The following MTA3 variants were observed in gnomAD, a reference collection of about 807,000 sequenced individuals.
MTA3 encodes metastasis-associated protein MTA3.
Under a neutral mutation model 83.5 loss-of-function variants are expected in MTA3, and 34 were observed. That is an observed-to-expected ratio of 0.41 (90% CI 0.31 to 0.54). The LOEUF (loss-of-function observed/expected upper bound fraction) is 0.54, where lower values mean the gene tolerates loss of function less well. Among genes scored for constraint, MTA3 ranks in the 20% least tolerant of loss-of-function variants. The pLI, the probability that MTA3 is intolerant of heterozygous loss-of-function variation, is 0.33. For missense variants in MTA3, 761 were observed against 726.4 expected, an observed-to-expected ratio of 1.05 and a Z score of -0.55; for synonymous variants, 303 against 252.7, an observed-to-expected ratio of 1.20 and a Z score of -1.89.
At chr2:42,571,645 T>C (rs1678493805) in intron 2 of MTA3, among the ~76,000 whole-genome samples, 1 of 152,074 alleles carries the variant, frequency 6.6e-6, no homozygotes, top group Non-Finnish European at 1.5e-5. Flanking sequence ...CTAGGGAACA[T>C]AATATTGAAA....
intron 14 of MTA3, among the ~76,000 whole-genome samples, chr2:42,712,561 A>G (rs929529988): frequency 6.6e-6 from 1 of 152,226 alleles, no homozygotes; most frequent in Non-Finnish European, 1.5e-5. Flanking sequence ...ATGTGAATGT[A>G]TAAATCCATG....
At chr2:42,719,970 C>G (rs975243282) in intron 15 of MTA3, among the ~76,000 whole-genome samples, 2 of 152,074 alleles carry the variant, frequency 1.3e-5, no homozygotes, top group African/African-American at 4.8e-5. Flanking sequence ...GAAATATGTA[C>G]TCAGAGTTGC....
At chr2:42,529,777 A>C (rs1572931217) in intron 2 of MTA3, among the ~76,000 whole-genome samples, 1 of 152,214 alleles carries the variant, frequency 6.6e-6, no homozygotes, top group East Asian at 1.9e-4. Context: ...AGAATGGTGT[A>C]GGGCAGGTTC....
chr2:42,743,533 T>C (rs1669189706), intron 16 of MTA3, among the ~76,000 whole-genome samples: 2 of 152,208 alleles, frequency 1.3e-5, no homozygotes, highest in South Asian at 4.1e-4. Flanking sequence ...TTGAATCTGC[T>C]CTCCTCTGGC....
chr2:42,719,954 T>A (rs955456476), intron 15 of MTA3, among the ~76,000 whole-genome samples: 2 of 152,198 alleles, frequency 1.3e-5, no homozygotes, highest in Non-Finnish European at 2.9e-5. Context: ...TCTTTTTCAG[T>A]AAAGTGAAAT....
At chr2:42,663,964 C>CA in intron 8 of MTA3, among the ~76,000 whole-genome samples, 1 of 152,216 alleles carries the variant, frequency 6.6e-6, no homozygotes. Flanking sequence ...GAAGTAGGCT[C>CA]AGAGGCTCAG....
At chr2:42,687,285 T>C (rs984912095) in intron 9 of MTA3, among the ~76,000 whole-genome samples, 2 of 152,222 alleles carry the variant, frequency 1.3e-5, no homozygotes, top group Non-Finnish European at 2.9e-5. Context: ...TTCTGAACAC[T>C]GTGTAAGTAG....
chr2:42,539,403 A>G (rs2103743196), intron 2 of MTA3, among the ~76,000 whole-genome samples: 1 of 152,100 alleles, frequency 6.6e-6, no homozygotes, highest in East Asian at 1.9e-4. Context: ...AGCCCCTTAT[A>G]AAATCATCAG....
intron 8 of MTA3, among the ~76,000 whole-genome samples, chr2:42,671,551 T>C (rs909682420): frequency 1.1e-4 from 17 of 152,338 alleles, no homozygotes; most frequent in African/African-American, 4.1e-4. Context: ...AAAATTACTT[T>C]TCATGATAAA....
intron 2 of MTA3, among the ~76,000 whole-genome samples, chr2:42,557,614 T>C (rs751884795): frequency 5.8e-4 from 88 of 152,206 alleles, no homozygotes; most frequent in Non-Finnish European, 1.1e-3. Flanking sequence ...TTGAAGTGTC[T>C]CTGTAATACT....
In MTA3 at chr2:42,577,091, T is replaced by TAAAAAAAAAAAA. The variant is rs1173783991; in HGVS notation, c.97-2012_97-2001dup. Among the ~76,000 whole-genome samples the TAAAAAAAAAAAA allele has an allele frequency of 4.2e-4, 8 of 19,208 alleles. 1 individual carries two copies. Among genetic ancestry groups the TAAAAAAAAAAAA allele is most frequent in the Admixed American group, 9.9e-4 (1 of 1,006 alleles). 12.6% of individuals were successfully genotyped at this position (19,208 alleles called of 152,430 possible). ...CCTGGCAACAGAATGGTACTCCATC[T>TAAAAAAAAAAAA]AAAAAAAAAAAAAAATATATATATA... On this transcript the variant is annotated intron_variant, in intron 2 of 16. Transcript: ENST00000405094.
At chr2:42,728,993 C>T (rs1668020412) in intron 16 of MTA3, among the ~76,000 whole-genome samples, 1 of 150,918 alleles carries the variant, frequency 6.6e-6, no homozygotes, top group South Asian at 2.1e-4. Flanking sequence ...CTTTGGTTGC[C>T]TGTGCCTGTG....
intron 16 of MTA3, among the ~76,000 whole-genome samples, chr2:42,732,276 A>G (rs901404169): frequency 1.3e-5 from 2 of 152,224 alleles, no homozygotes; most frequent in Admixed American, 6.5e-5. Context: ...TCTGAAATCT[A>G]GATGGAGGCC....
At chr2:42,576,443 C>T (rs762916288) in intron 2 of MTA3, among the ~76,000 whole-genome samples, 1 of 152,122 alleles carries the variant, frequency 6.6e-6, no homozygotes, top group Non-Finnish European at 1.5e-5. Context: ...AAGTTGTTAA[C>T]ATGATGGGAA....
At chr2:42,548,079 G>C (rs921504385) in intron 2 of MTA3, among the ~76,000 whole-genome samples, 1 of 152,190 alleles carries the variant, frequency 6.6e-6, no homozygotes, top group Non-Finnish European at 1.5e-5. Context: ...CCATACAGTA[G>C]AGAGGCAACC....
At position 42,662,792 on chromosome 2, in the gene MTA3, T is replaced by C. The variant is rs530377870; in HGVS notation, c.702+2930T>C. Among the ~76,000 whole-genome samples, 661 of 150,314 alleles carry C rather than the reference T, an allele frequency of 4.4e-3. 2 individuals carry two copies. The highest frequency in any genetic ancestry group is 0.015 in the African/African-American group (630 of 40,888). ...TGTCGCCCAGGCTGGAGTGCAGTGGTGCGATCTCGGCTCACTGCAATCTCC... is the reference window on the plus strand; with the variant it reads ...TGTCGCCCAGGCTGGAGTGCAGTGGCGCGATCTCGGCTCACTGCAATCTCC... On this transcript the variant is annotated intron_variant, in intron 8 of 16. Transcript: ENST00000405094.
intron 2 of MTA3, among the ~76,000 whole-genome samples, chr2:42,542,158 A>G (rs1676548243): frequency 6.6e-6 from 1 of 151,940 alleles, no homozygotes; most frequent in Non-Finnish European, 1.5e-5. Context: ...CCATTCCCAG[A>G]CTCTTGAGTA....
At chr2:42,508,774 ATATT>A (rs1674758743) in intron 2 of MTA3, among the ~76,000 whole-genome samples, 1 of 147,206 alleles carries the variant, frequency 6.8e-6, no homozygotes, top group East Asian at 1.9e-4. Flanking sequence ...ATTATATAAT[ATATT>A]TAATATATCA....
At chr2:42,733,956 G>A (rs1167528085) in intron 16 of MTA3, among the ~76,000 whole-genome samples, 1 of 152,056 alleles carries the variant, frequency 6.6e-6, no homozygotes, top group Non-Finnish European at 1.5e-5. Flanking sequence ...CTAACATATG[G>A]TCTGTCCTAT....
Sources: allele counts gnomAD v4.1 joint callset (sites outside exome capture counted in the v4.1 genomes callset), GRCh38; gene constraint gnomAD v4.1.1; transcripts MANE v1.5; gene names NCBI Gene and HGNC (gene_info 2026-07-23, HGNC 2026-07-21).